Variants in PORCN observed in about 807,000 individuals in gnomAD.
The protein encoded by PORCN is porcupine O-acyltransferase.
A neutral mutation model predicts 43.0 loss-of-function variants in PORCN; 1 was observed. That is an observed-to-expected ratio of 0.02 (90% confidence interval 0.01 to 0.11). PORCN has a LOEUF of 0.11. Ranked by LOEUF, PORCN falls within the 10% of genes least tolerant of loss-of-function variation. PORCN has a pLI of 1.00. For missense variants in PORCN, 240 were observed against 392.1 expected (o/e 0.61, Z 3.28); for synonymous variants, 148 against 166.4 (o/e 0.89, Z 0.85).
At chrX:48,514,399 G>A in intron 9 of PORCN, 34 bp downstream of exon 9, 1 of 1,202,176 alleles carries the variant, frequency 8.3e-7, no homozygotes, top group Non-Finnish European at 1.1e-6. Context: ...CTCCCACAGG[G>A]TGCTGCCTAG....
rs1228307419 is a variant in PORCN at position 48,520,662 on chromosome X, C to A, written c.*186C>A. Reference sequence around the variant, plus strand: ...TCATGCCTGTCAATCCCCACCCCACCACAAGGCAGGAAGGGGGTGGTGCCT... The same window carrying A: ...TCATGCCTGTCAATCCCCACCCCACAACAAGGCAGGAAGGGGGTGGTGCCT... On this transcript the variant is annotated 3_prime_UTR_variant, in exon 15 of 15. Transcript: ENST00000326194. 8 of 472,894 alleles carry A rather than the reference C, an allele frequency of 1.7e-5. No homozygotes were observed. The highest frequency in any genetic ancestry group is 1.2e-4 in the African/African-American group (5 of 42,402). The allele number at this position is 472,894 out of a possible 1,213,427, so 39.0% of individuals were successfully genotyped here.
In PORCN at chrX:48,520,808, A is replaced by T. The variant is rs2061755016; in HGVS notation, c.*332A>T. 3.4e-6 allele frequency: 1 copy of T among 298,085 alleles called. No individual in the cohort carries two copies. Among genetic ancestry groups the T allele is most frequent in the African/African-American group, 2.7e-5 (1 of 36,736 alleles). The allele number at this position is 298,085 out of a possible 1,213,427, so 24.6% of individuals were successfully genotyped here. A position where few individuals can be genotyped will look rare whatever the true frequency, so the allele number is the denominator to read the frequency against. ...GTCAAATAAAAGTAGGAAATATTCA[A>T]TAGGCTTCTTCTTCACTGCTCAGAG... On this transcript the variant is annotated 3_prime_UTR_variant, in exon 15 of 15. Coordinates refer to ENST00000326194, the MANE Select transcript of PORCN (RefSeq NM_203475.3).
chrX:48,518,233 A>T (rs1029199385), intron 14 of PORCN, among the ~76,000 whole-genome samples: 14 of 108,667 alleles, frequency 1.3e-4, no homozygotes, highest in East Asian at 5.7e-4. Context: ...ATATATATAT[A>T]TTTTTAGACG....
Position 48,511,495 on chromosome X carries a change from T to C in PORCN, c.329+8T>C. On this transcript the variant is annotated splice_region_variant and intron_variant, in intron 3 of 14. Transcript: ENST00000326194. Reference sequence around the variant, plus strand: ...CATCTACCTACTCATGGGGTATGAGTATGCATCCTTATCCTCACACTGTTG... The same window carrying C: ...CATCTACCTACTCATGGGGTATGAGCATGCATCCTTATCCTCACACTGTTG... 1 of 1,195,771 alleles carries C rather than the reference T, an allele frequency of 8.4e-7. No homozygotes were observed. The highest frequency in any genetic ancestry group is 1.1e-6 in the Non-Finnish European group (1 of 881,144).
chrX:48,513,032 C>T (rs1556974346), intron 7 of PORCN, among the ~76,000 whole-genome samples, 180 bp downstream of exon 7: 1 of 112,432 alleles, frequency 8.9e-6, no homozygotes, highest in Non-Finnish European at 1.9e-5. Context: ...TTGACTGACA[C>T]TCCAACACAT....
intron 11 of PORCN, 30 bp from the exon 12 acceptor site, chrX:48,515,860 C>T (rs781871028): frequency 8.3e-7 from 1 of 1,209,103 alleles, no homozygotes; most frequent in South Asian, 1.8e-5. Flanking sequence ...CTCTTCCTCA[C>T]TCATTTCATT....
At chrX:48,520,204 T>G (rs781833984) in intron 14 of PORCN, among the ~76,000 whole-genome samples, 171 bp from the exon 15 acceptor site, 1 of 112,031 alleles carries the variant, frequency 8.9e-6, no homozygotes, top group African/African-American at 3.2e-5. Flanking sequence ...TTAAAATGAT[T>G]TTTAAAGAAG....
intron 1 of PORCN, chrX:48,509,449 A>C: frequency 1.1e-6 from 1 of 876,574 alleles, no homozygotes; most frequent in Non-Finnish European, 1.5e-6. Context: ...GAAACCAGGG[A>C]TTCCCCTTCC....
At chrX:48,510,530 G>A (rs1556973638) in intron 2 of PORCN, among the ~76,000 whole-genome samples, 1 of 111,622 alleles carries the variant, frequency 9.0e-6, no homozygotes, top group African/African-American at 3.3e-5. Context: ...TATAGGAGGC[G>A]GAGATTTCTG....
At chrX:48,515,852 C>T in intron 11 of PORCN, 38 bp from the exon 12 acceptor site, 1 of 1,207,864 alleles carries the variant, frequency 8.3e-7, no homozygotes, top group Non-Finnish European at 1.1e-6. Flanking sequence ...GGCAGGGCCT[C>T]TTCCTCACTC....
chrX:48,515,330 G>A (rs1238543507), intron 10 of PORCN: 6 of 274,158 alleles, frequency 2.2e-5, no homozygotes, highest in Admixed American at 1.5e-4. Context: ...TGAGGAGGCC[G>A]CTGCCATCAT....
intron 7 of PORCN, 134 bp from the exon 8 acceptor site, chrX:48,513,993 G>A (rs1308982952): frequency 2.8e-6 from 2 of 716,560 alleles, no homozygotes; most frequent in East Asian, 6.9e-5. Flanking sequence ...ATGTCTGTGT[G>A]TGACTATCAT....
At position 48,520,729 on chromosome X, in the gene PORCN, G is replaced by A. The variant is rs1396822429; in HGVS notation, c.*253G>A. 4.8e-6 allele frequency: 2 copies of A among 414,153 alleles called. No homozygotes were observed. Among genetic ancestry groups the A allele is most frequent in the African/African-American group, 2.5e-5 (1 of 40,036 alleles). The allele number at this position is 414,153 out of a possible 1,213,427, so 34.1% of individuals were successfully genotyped here. A position where few individuals can be genotyped will look rare whatever the true frequency, so the allele number is the denominator to read the frequency against. ...GGATGCTTGGGGAAACAGAGAAGGG[G>A]AGATCCAGGGCCTCCCCGCCTTCCT... is the stretch of plus-strand genomic sequence containing the variant. On this transcript the variant is annotated 3_prime_UTR_variant, in exon 15 of 15. Transcript: ENST00000326194.
chrX:48,517,053 G>A (rs782310064), intron 13 of PORCN, 130 bp from the exon 14 acceptor site: 8 of 515,855 alleles, frequency 1.6e-5, no homozygotes, highest in Non-Finnish European at 2.8e-5. Context: ...CCTATCTCAG[G>A]GGGTACCCTG....
chrX:48,511,628 A>C, intron 3 of PORCN, 141 bp downstream of exon 3: 1 of 617,619 alleles, frequency 1.6e-6, no homozygotes, highest in Non-Finnish European at 2.8e-6. Flanking sequence ...TCATTTGCCT[A>C]TGAGGAGACA....
At position 48,516,663 on chromosome X, in the gene PORCN, G is replaced by C. The variant is rs2061719798; in HGVS notation, c.1173+517G>C. Among the ~76,000 whole-genome samples, 3 of 110,290 alleles carry C rather than the reference G, an allele frequency of 2.7e-5. No individual in the cohort carries two copies. The South Asian group carries it at 1.2e-3, about 43-fold the overall frequency. Reference sequence around the variant, plus strand: ...GGAGGTGAGAGAGGGAAACGTTCCAGGCAGAGAGACACCCAGTGGAAAGGC... The same window carrying C: ...GGAGGTGAGAGAGGGAAACGTTCCACGCAGAGAGACACCCAGTGGAAAGGC... On this transcript the variant is annotated intron_variant, in intron 13 of 14. Coordinates refer to ENST00000326194, the MANE Select transcript of PORCN (RefSeq NM_203475.3).
At chrX:48,514,496 A>G (rs1274504599) in intron 9 of PORCN, 29 bp from the exon 10 acceptor site, 32 of 1,191,036 alleles carry the variant, frequency 2.7e-5, no homozygotes, top group Non-Finnish European at 3.4e-5. Context: ...GAGATCCCAA[A>G]TGGATTTGCA....
In PORCN at chrX:48,512,322, A is replaced by G. The variant is rs1022254119; in HGVS notation, c.374-4A>G. 1 of 1,208,794 alleles carries G rather than the reference A, an allele frequency of 8.3e-7. No homozygotes were observed. The highest frequency in any genetic ancestry group is 1.8e-5 in the African/African-American group (1 of 56,995). ...ATCCACTTGACCATGGGCACCACAC[A>G]TAGGGGCACAGATGATTGTGGCCAT... On this transcript the variant is annotated splice_region_variant and splice_polypyrimidine_tract_variant and intron_variant, in intron 4 of 14. Transcript: ENST00000326194.
At chrX:48,515,389 A>G (rs782796105) in intron 10 of PORCN, 21 of 338,452 alleles carry the variant, frequency 6.2e-5, no homozygotes, top group Non-Finnish European at 1.0e-4. Flanking sequence ...AGGAGAGCTC[A>G]GATTCTGGCA....
Sources: gnomAD v4.1 joint callset for allele counts (sites outside exome capture counted in the v4.1 genomes callset) on GRCh38, gnomAD v4.1.1 for gene constraint, MANE v1.5 for transcripts, NCBI Gene and HGNC (gene_info 2026-07-23, HGNC 2026-07-21) for gene names.